The following CNTNAP2 variants were observed in gnomAD, a reference collection of about 807,000 sequenced individuals.
The protein encoded by CNTNAP2 is contactin associated protein 2.
In CNTNAP2, 98 loss-of-function variants were observed where a neutral mutation model predicts 155.2. That is an observed-to-expected ratio of 0.63 (90% CI 0.54 to 0.75). The LOEUF (loss-of-function observed/expected upper bound fraction) is 0.75. CNTNAP2 is among the 30% of genes least tolerant of loss of function. CNTNAP2 has a pLI of 0.00. For synonymous variants in CNTNAP2, 651 were observed against 631.2 expected, an observed-to-expected ratio of 1.03 and a Z score of -0.47; for missense variants, 1,727 against 1,688.1, an observed-to-expected ratio of 1.02 and a Z score of -0.40.
In CNTNAP2 at chr7:148,267,431, G is replaced by T. The variant is rs565219282; in HGVS notation, c.3475+305G>T. Among the ~76,000 whole-genome samples the T allele has an allele frequency of 1.3e-4, 20 of 152,138 alleles. No individual in the cohort carries two copies. In the South Asian group the frequency reaches 4.2e-3, roughly 32 times the overall value. On this transcript the variant is annotated intron_variant, in intron 21 of 23. Coordinates refer to ENST00000361727, the MANE Select transcript of CNTNAP2 (RefSeq NM_014141.6). Reference sequence around the variant, plus strand: ...GCACTTTGGGAGGCTAAGGCTGGTGGATCACTTGAGGTCAGGAGTTCGAGA... The same window carrying T: ...GCACTTTGGGAGGCTAAGGCTGGTGTATCACTTGAGGTCAGGAGTTCGAGA...
At chr7:147,377,143 C>CA (rs1275029902) in intron 9 of CNTNAP2, among the ~76,000 whole-genome samples, 2 of 150,478 alleles carry the variant, frequency 1.3e-5, no homozygotes, top group Admixed American at 6.7e-5. Flanking sequence ...TTCTCCCCCC[C>CA]CTTTTGGTTG....
rs565706938 is a variant in CNTNAP2, at chr7:146,191,530, AG to A, written c.97+74559del. 7.8e-3 allele frequency among the ~76,000 whole-genome samples: 1,195 copies of A among 152,288 alleles called. 9 individuals carry two copies. Among genetic ancestry groups the A allele is most frequent in the Non-Finnish European group, 0.012 (820 of 68,016 alleles). ...CCGGTCTGAGTAAAATTTGCTAGGC[AG>A]GAATTTCCTCGTCCTAATAGGCCTG... On this transcript the variant is annotated intron_variant, in intron 1 of 23. Coordinates refer to ENST00000361727, the MANE Select transcript of CNTNAP2 (RefSeq NM_014141.6).
intron 13 of CNTNAP2, among the ~76,000 whole-genome samples, chr7:147,708,481 T>C (rs1352146956): frequency 6.6e-6 from 1 of 152,154 alleles, no homozygotes; most frequent in Non-Finnish European, 1.5e-5. Flanking sequence ...ATATGGTGAC[T>C]TGCTGTAGCT....
chr7:147,953,829 G>T (rs1324377077), intron 14 of CNTNAP2, among the ~76,000 whole-genome samples: 1 of 152,070 alleles, frequency 6.6e-6, no homozygotes, highest in Non-Finnish European at 1.5e-5. Flanking sequence ...CTTGTCACGT[G>T]GCATTCTCTC....
At chr7:146,966,708 A>G (rs1797665614) in intron 3 of CNTNAP2, among the ~76,000 whole-genome samples, 1 of 152,204 alleles carries the variant, frequency 6.6e-6, no homozygotes, top group Non-Finnish European at 1.5e-5. Context: ...AAATGTACTC[A>G]GGAAAAGATG....
chr7:147,639,522 T>TA (rs1485279343), intron 13 of CNTNAP2, among the ~76,000 whole-genome samples: 1 of 152,200 alleles, frequency 6.6e-6, no homozygotes, highest in Non-Finnish European at 1.5e-5. Context: ...GTTTTAAACT[T>TA]ACGGATTTTT....
chr7:146,584,715 G>C (rs117651469), intron 1 of CNTNAP2, among the ~76,000 whole-genome samples: 3,373 of 152,250 alleles, frequency 0.022, 45 homozygotes, highest in Middle Eastern at 0.045. Context: ...GTGTCTCAGT[G>C]GCCTGACCGT....
intron 21 of CNTNAP2, among the ~76,000 whole-genome samples, chr7:148,355,255 C>T (rs923496184): frequency 2.3e-5 from 3 of 129,114 alleles, no homozygotes; most frequent in African/African-American, 8.8e-5. Context: ...GATCTCGGCT[C>T]ACTACAAGCT....
chr7:148,169,959 C>A (rs1460046005), intron 17 of CNTNAP2, among the ~76,000 whole-genome samples: 14 of 144,280 alleles, frequency 9.7e-5, no homozygotes, highest in African/African-American at 1.8e-4. Flanking sequence ...AAATCCGCCT[C>A]AAAAAAAAAA....
chr7:146,675,163 T>G (rs1800376834), intron 1 of CNTNAP2, among the ~76,000 whole-genome samples: 1 of 96,094 alleles, frequency 1.0e-5, no homozygotes, highest in Non-Finnish European at 2.8e-5. Context: ...ATCCAGTAGA[T>G]GTTTGAGAAA....
intron 21 of CNTNAP2, among the ~76,000 whole-genome samples, chr7:148,367,822 A>G (rs1445341579): frequency 6.6e-6 from 1 of 152,168 alleles, no homozygotes; most frequent in African/African-American, 2.4e-5. Flanking sequence ...ATACCGAGAA[A>G]ATGTATTTTC....
intron 8 of CNTNAP2, among the ~76,000 whole-genome samples, chr7:147,258,111 C>A (rs1357059524): frequency 1.3e-5 from 2 of 152,006 alleles, no homozygotes; most frequent in Non-Finnish European, 2.9e-5. Context: ...GGCAAGAAAC[C>A]ACAGGAAATG....
At chr7:146,548,646 A>G (rs1798065868) in intron 1 of CNTNAP2, among the ~76,000 whole-genome samples, 1 of 151,968 alleles carries the variant, frequency 6.6e-6, no homozygotes, top group East Asian at 1.9e-4. Context: ...TTTGGATGAA[A>G]GTCTGGTCAA....
At chr7:146,944,559 A>G (rs1056288525) in intron 3 of CNTNAP2, among the ~76,000 whole-genome samples, 1 of 152,174 alleles carries the variant, frequency 6.6e-6, no homozygotes, top group African/African-American at 2.4e-5. Flanking sequence ...CAAGATTATT[A>G]ATGTAGATAT....
intron 1 of CNTNAP2, among the ~76,000 whole-genome samples, chr7:146,686,518 C>G (rs1800603660): frequency 6.6e-6 from 1 of 152,078 alleles, no homozygotes; most frequent in South Asian, 2.1e-4. Flanking sequence ...CTTATGTACT[C>G]CTCTCCTAGG....
intron 1 of CNTNAP2, among the ~76,000 whole-genome samples, chr7:146,255,598 A>G (rs1322577836): frequency 6.6e-6 from 1 of 152,236 alleles, no homozygotes; most frequent in Non-Finnish European, 1.5e-5. Context: ...GAGTTAAGAA[A>G]GAAGGCATCT....
intron 3 of CNTNAP2, among the ~76,000 whole-genome samples, chr7:146,908,891 T>C (rs1380107639): frequency 5.4e-5 from 8 of 147,368 alleles, no homozygotes; most frequent in Non-Finnish European, 1.2e-4. Flanking sequence ...ATCAACAAAA[T>C]TGATAGACCA....
At position 146,442,004 on chromosome 7, in the gene CNTNAP2, G is replaced by T. The variant is rs561698836; in HGVS notation, c.97+325031G>T. On this transcript the variant is annotated intron_variant, in intron 1 of 23. Coordinates refer to ENST00000361727, the MANE Select transcript of CNTNAP2 (RefSeq NM_014141.6). Reference sequence around the variant, plus strand: ...TATTTGCACATCCCTCATGTCTTCTGTCATTATTTACTCTTCTGAAATTAT... The same window carrying T: ...TATTTGCACATCCCTCATGTCTTCTTTCATTATTTACTCTTCTGAAATTAT... Among the ~76,000 whole-genome samples the T allele has an allele frequency of 1.5e-3, 233 of 151,636 alleles. 12 individuals are homozygous for T. The highest frequency in any genetic ancestry group is 5.4e-3 in the African/African-American group (221 of 40,968).
intron 1 of CNTNAP2, among the ~76,000 whole-genome samples, chr7:146,599,274 A>G (rs995141128): frequency 1.3e-5 from 2 of 152,050 alleles, no homozygotes; most frequent in African/African-American, 4.8e-5. Context: ...TCAATATTAG[A>G]GACACATTGT....
Sources: gnomAD v4.1 joint callset for allele counts (sites outside exome capture counted in the v4.1 genomes callset) on GRCh38, gnomAD v4.1.1 for gene constraint, MANE v1.5 for transcripts, NCBI Gene and HGNC (gene_info 2026-07-23, HGNC 2026-07-21) for gene names.